IFT81: variants seen among roughly 807,000 people sequenced by gnomAD.
The protein encoded by IFT81 is intraflagellar transport 81.
Under a neutral mutation model 102.6 loss-of-function variants are expected in IFT81, and 72 were observed. The ratio of observed to expected loss-of-function variants is 0.70; its 90% CI spans 0.58 to 0.85. IFT81 has a LOEUF of 0.85. Among genes scored for constraint, IFT81 ranks in the 40% least tolerant of loss-of-function variants. The pLI is 0.00. For missense variants in IFT81, 723 were observed against 787.3 expected, an observed-to-expected ratio of 0.92 and a Z score of 0.98; for synonymous variants, 237 against 242.7, an observed-to-expected ratio of 0.98 and a Z score of 0.22.
intron 4 of IFT81, among the ~76,000 whole-genome samples, chr12:110,130,165 A>G (rs1457874199): frequency 6.6e-6 from 1 of 152,178 alleles, no homozygotes; most frequent in East Asian, 1.9e-4. Flanking sequence ...TTAAGACAGT[A>G]TTTATGCAAA....
At chr12:110,207,496 C>T (rs974268277) in intron 17 of IFT81, among the ~76,000 whole-genome samples, 14 of 151,058 alleles carry the variant, frequency 9.3e-5, no homozygotes, top group African/African-American at 3.2e-4. Flanking sequence ...TGCAGCGTAG[C>T]TTCACACACA....
intron 11 of IFT81, among the ~76,000 whole-genome samples, chr12:110,178,840 C>T (rs912849784): frequency 6.8e-6 from 1 of 146,932 alleles, no homozygotes; most frequent in African/African-American, 2.5e-5. Flanking sequence ...TGGTTTGGAA[C>T]TCCTAACCTC....
intron 3 of IFT81, among the ~76,000 whole-genome samples, chr12:110,128,646 A>T (rs1470766172): frequency 1.3e-5 from 2 of 151,686 alleles, no homozygotes; most frequent in East Asian, 3.9e-4. Flanking sequence ...AACAACAAAA[A>T]ATCAGCTGGG....
rs1895361600 is a variant in IFT81 at position 110,148,720 on chromosome 12, G to A, written c.1041+1672G>A. On this transcript the variant is annotated intron_variant, in intron 10 of 18. Coordinates refer to ENST00000242591, the MANE Select transcript of IFT81 (RefSeq NM_014055.4). ...GAACTCCTGACCTCATGATCCACCC[G>A]CCTTGGCCTCCCAAAGTGCTGGGAT... Among the ~76,000 whole-genome samples the A allele has an allele frequency of 2.0e-5, 3 of 152,060 alleles. No individual in the cohort carries two copies. The East Asian group carries it at 5.8e-4, about 29-fold the overall frequency.
chr12:110,162,803 G>A (rs1335211420), intron 10 of IFT81, 116 bp from the exon 11 acceptor site: 2 of 841,726 alleles, frequency 2.4e-6, no homozygotes, highest in African/African-American at 1.7e-5. Context: ...GGTTAAGAGA[G>A]GCCAAGCTGA....
chr12:110,216,928 T>A (rs1870215987), intron 18 of IFT81: 1 of 199,756 alleles, frequency 5.0e-6, no homozygotes, highest in Non-Finnish European at 1.0e-5. Flanking sequence ...TTTATGTAAA[T>A]GGAAATTCTA....
chr12:110,143,521 T>G lies in IFT81; in HGVS notation c.921T>G (p.Ser307=). The G allele has an allele frequency of 6.4e-7, 1 of 1,556,612 alleles. No homozygotes were observed. The highest frequency in any genetic ancestry group is 8.6e-7 in the Non-Finnish European group (1 of 1,162,620). The change falls in exon 9 of 19, where the codon TCT becomes TCG. Residue 307 remains serine, a synonymous_variant. Coordinates refer to ENST00000242591, the MANE Select transcript of IFT81 (RefSeq NM_014055.4). ...TTTCAGAGCCAGCTATGGGCCATTC[T>G]GATCTTCTTGAACTTGAATCTAAAG... ...KVVSEPAMGH[S]DLLELESKIN... is the part of the protein sequence containing the mutation.
At chr12:110,184,799 C>T (rs1208964217) in intron 12 of IFT81, among the ~76,000 whole-genome samples, 1 of 152,198 alleles carries the variant, frequency 6.6e-6, no homozygotes, top group Non-Finnish European at 1.5e-5. Flanking sequence ...CAGGACTGGG[C>T]CAACACTAGT....
chr12:110,134,223 G>C (rs887453259), intron 5 of IFT81, among the ~76,000 whole-genome samples: 2 of 152,088 alleles, frequency 1.3e-5, no homozygotes, highest in African/African-American at 4.8e-5. Flanking sequence ...TATATTTTAA[G>C]ACTTTTGATA....
intron 14 of IFT81, among the ~76,000 whole-genome samples, chr12:110,197,667 A>G (rs1039293705): frequency 6.6e-6 from 1 of 150,564 alleles, no homozygotes; most frequent in Admixed American, 6.6e-5. Context: ...TCTACCTTAC[A>G]TGTGCGTTGT....
chr12:110,160,736 A>G (rs1485024465), intron 10 of IFT81, among the ~76,000 whole-genome samples: 1 of 152,190 alleles, frequency 6.6e-6, no homozygotes, highest in Non-Finnish European at 1.5e-5. Flanking sequence ...TTTTGCTTTT[A>G]TAAATCAGGG....
rs1490305040 is a variant in IFT81 at position 110,179,629 on chromosome 12, G to T, written c.1189-793G>T. Among the ~76,000 whole-genome samples the T allele has an allele frequency of 4.7e-5, 7 of 149,616 alleles. No individual in the cohort carries two copies. In the Admixed American group the frequency reaches 4.7e-4, roughly 10 times the overall value. ...CCTCCTACTCTGGAGGCTGAGGCAG[G>T]AGAATTGCTTGATCCCAGGAGGTTA... On this transcript the variant is annotated intron_variant, in intron 11 of 18. Coordinates refer to ENST00000242591, the MANE Select transcript of IFT81 (RefSeq NM_014055.4).
intron 14 of IFT81, among the ~76,000 whole-genome samples, chr12:110,201,824 C>T (rs1898296582): frequency 6.6e-6 from 1 of 152,092 alleles, no homozygotes. Context: ...TAATCAATAT[C>T]ACTGTCTTCC....
intron 11 of IFT81, among the ~76,000 whole-genome samples, chr12:110,179,767 TATATATACACACAC>T (rs1304342762): frequency 1.3e-4 from 9 of 66,814 alleles, no homozygotes; most frequent in Non-Finnish European, 1.7e-4. Context: ...TATATATATA[TATATATACACACAC>T]ACACACACAC....
chr12:110,140,553 T>G (rs1407021602), intron 8 of IFT81, among the ~76,000 whole-genome samples: 1 of 152,220 alleles, frequency 6.6e-6, no homozygotes, highest in Non-Finnish European at 1.5e-5. Context: ...AAAAACATTT[T>G]AGTCTTTGAT....
chr12:110,128,998 C>G lies in IFT81; in HGVS notation c.297C>G (p.Tyr99Ter), dbSNP rs376652803. 6.2e-7 allele frequency: 1 copy of G among 1,613,102 alleles called. No homozygotes were observed. The change falls in exon 4 of 19, where the codon TAC (tyrosine) becomes TAG (stop). Residue 99 changes from tyrosine (Y) to a stop codon, truncating the protein, a stop_gained. Transcript: ENST00000242591. LOFTEE classifies it high-confidence loss of function. The stretch of plus-strand genomic sequence containing the variant: ...TGATTGGAAGTAAACCTGTAATTTA[C>G]CCAGTGCTCCACTGGCTTCTTCAGA... ...GLVIGSKPVI[Y>*]PVLHWLLQRT...
At chr12:110,128,245 C>A in intron 3 of IFT81, 96 bp downstream of exon 3, 1 of 738,020 alleles carries the variant, frequency 1.4e-6, no homozygotes. Flanking sequence ...TACCTGGTTT[C>A]CCTCATTTGA....
At chr12:110,202,469 T>G (rs965622851) in intron 14 of IFT81, among the ~76,000 whole-genome samples, 2 of 152,072 alleles carry the variant, frequency 1.3e-5, no homozygotes, top group African/African-American at 4.8e-5. Flanking sequence ...TTTTTTTTTT[T>G]TTGAGATGGA....
At position 110,135,007 on chromosome 12, in the gene IFT81, G is replaced by T; in HGVS notation, c.579G>T (p.Lys193Asn). 1.2e-6 allele frequency: 2 copies of T among 1,608,600 alleles called. No individual in the cohort carries two copies. Among genetic ancestry groups the T allele is most frequent in the Non-Finnish European group, 1.7e-6 (2 of 1,177,628 alleles). The change falls in exon 6 of 19, where the codon AAG becomes AAT. Residue 193 changes from lysine (K) to asparagine (N), a missense_variant. Physicochemically the swap from Lys to Asn is moderately conservative, Grantham distance 94 (BLOSUM62 0). Transcript: ENST00000242591. The part of the protein sequence containing the change: ...DQLIKRVEHL[K>N]KRVETAQNHQ... ...TCATTAAGAGAGTTGAACATTTGAAGAAAAGGGTAAGGCAGAATTAGTACT... is the reference window on the plus strand; with the variant it reads ...TCATTAAGAGAGTTGAACATTTGAATAAAAGGGTAAGGCAGAATTAGTACT...
Sources: allele counts gnomAD v4.1 joint callset (sites outside exome capture counted in the v4.1 genomes callset), GRCh38; gene constraint gnomAD v4.1.1; transcripts MANE v1.5; gene names NCBI Gene and HGNC (gene_info 2026-07-23, HGNC 2026-07-21).